The following BRINP1 variants were observed in gnomAD, a reference collection of about 807,000 sequenced individuals.
BRINP1 encodes the protein BMP/retinoic acid inducible neural specific 1.
Under a neutral mutation model 72.9 loss-of-function variants are expected in BRINP1, and 17 were observed. That is an observed-to-expected ratio of 0.23 (90% CI 0.16 to 0.35). BRINP1 has a LOEUF of 0.35. Ranked by LOEUF, BRINP1 falls within the 10% of genes least tolerant of loss-of-function variation. BRINP1 has a pLI of 1.00. For synonymous variants in BRINP1, 418 were observed against 378.5 expected, an observed-to-expected ratio of 1.10 and a Z score of -1.21; for missense variants, 850 against 1,001.6, an observed-to-expected ratio of 0.85 and a Z score of 2.04.
chr9:119,296,757 G>A (rs192525325), intron 2 of BRINP1, among the ~76,000 whole-genome samples: 25 of 152,270 alleles, frequency 1.6e-4, no homozygotes, highest in Admixed American at 1.2e-3. Flanking sequence ...AATATGCCAG[G>A]CACAGAAAGA....
chr9:119,213,886 A>G (rs778682235), intron 6 of BRINP1, 33 bp downstream of exon 6: 2 of 1,582,422 alleles, frequency 1.3e-6, no homozygotes, highest in South Asian at 2.2e-5. Flanking sequence ...GCTCAAGGCC[A>G]CTCATGCAGT....
chr9:119,257,761 G>A (rs1830459452), intron 2 of BRINP1, among the ~76,000 whole-genome samples: 1 of 152,094 alleles, frequency 6.6e-6, no homozygotes, highest in Non-Finnish European at 1.5e-5. Context: ...CTTGCCTGCT[G>A]TTCCCACTCG....
At chr9:119,205,636 C>A (rs576146510) in intron 7 of BRINP1, among the ~76,000 whole-genome samples, 28 of 152,118 alleles carry the variant, frequency 1.8e-4, no homozygotes, top group Non-Finnish European at 4.0e-4. Context: ...CTCCTTCTTC[C>A]CTTGTAATAC....
At chr9:119,346,433 T>C (rs956149370) in intron 1 of BRINP1, among the ~76,000 whole-genome samples, 1 of 152,186 alleles carries the variant, frequency 6.6e-6, no homozygotes, top group Non-Finnish European at 1.5e-5. Context: ...AAACAGACAC[T>C]GCAATCACCG....
At chr9:119,204,895 C>A (rs2118866897) in intron 7 of BRINP1, among the ~76,000 whole-genome samples, 1 of 152,352 alleles carries the variant, frequency 6.6e-6, no homozygotes, top group African/African-American at 2.4e-5. Flanking sequence ...CCCTCTCCCA[C>A]CTTACCTTAA....
intron 3 of BRINP1, among the ~76,000 whole-genome samples, chr9:119,243,916 A>G (rs1053442623): frequency 1.3e-5 from 2 of 152,210 alleles, no homozygotes; most frequent in African/African-American, 4.8e-5. Flanking sequence ...CCAGAGAAAG[A>G]GTGGGCACCT....
chr9:119,356,805 A>AG (rs1002970872), intron 1 of BRINP1, among the ~76,000 whole-genome samples: 1 of 71,896 alleles, frequency 1.4e-5, no homozygotes, highest in Non-Finnish European at 3.6e-5. Context: ...GCTCCGTCTC[A>AG]AAAAAAAAAA....
chr9:119,228,179 CTTCCTTTCT>C (rs1197166946), intron 5 of BRINP1, among the ~76,000 whole-genome samples: 1 of 151,878 alleles, frequency 6.6e-6, no homozygotes, highest in African/African-American at 2.4e-5. Flanking sequence ...ACTTCTTTCT[CTTCCTTTCT>C]TTCCTTTCCC....
intron 5 of BRINP1, among the ~76,000 whole-genome samples, chr9:119,217,136 GCCTGTGT>G (rs1449071014): frequency 6.6e-6 from 1 of 152,160 alleles, no homozygotes; most frequent in African/African-American, 2.4e-5. Flanking sequence ...TCTCCTGATG[GCCTGTGT>G]CCAACAAAGA....
chr9:119,339,883 C>T (rs1228695765), intron 1 of BRINP1, among the ~76,000 whole-genome samples: 1 of 152,164 alleles, frequency 6.6e-6, no homozygotes, highest in Non-Finnish European at 1.5e-5. Context: ...TGGGTTCTGG[C>T]TCCCCAGTGA....
At chr9:119,194,781 A>G (rs1423552826) in intron 7 of BRINP1, among the ~76,000 whole-genome samples, 1 of 152,166 alleles carries the variant, frequency 6.6e-6, no homozygotes, top group Non-Finnish European at 1.5e-5. Flanking sequence ...ATTCTTCCCC[A>G]GAACCCACTG....
At chr9:119,197,401 C>T (rs1348919307) in intron 7 of BRINP1, among the ~76,000 whole-genome samples, 1 of 152,164 alleles carries the variant, frequency 6.6e-6, no homozygotes, top group Non-Finnish European at 1.5e-5. Flanking sequence ...ATAGGGTTGT[C>T]ATAAGGATTA....
chr9:119,281,790 C>T (rs925317118), intron 2 of BRINP1, among the ~76,000 whole-genome samples: 3 of 152,076 alleles, frequency 2.0e-5, no homozygotes, highest in Non-Finnish European at 2.9e-5. Flanking sequence ...TTCATTTCAA[C>T]AATATATCAT....
chr9:119,304,416 A>G (rs1830973829), intron 2 of BRINP1, among the ~76,000 whole-genome samples: 1 of 152,158 alleles, frequency 6.6e-6, no homozygotes, highest in South Asian at 2.1e-4. Context: ...TGAGGCTGGA[A>G]GCTTCCATCA....
chr9:119,281,628 T>C (rs572435962), intron 2 of BRINP1, among the ~76,000 whole-genome samples: 54 of 152,320 alleles, frequency 3.5e-4, no homozygotes, highest in African/African-American at 1.2e-3. Flanking sequence ...TTCAAAATTA[T>C]TCATTATTCT....
At chr9:119,268,285 T>TAGACAGAC (rs1554752345) in intron 2 of BRINP1, among the ~76,000 whole-genome samples, 18 of 148,502 alleles carry the variant, frequency 1.2e-4, no homozygotes, top group African/African-American at 3.5e-4. Context: ...GATAGATAGA[T>TAGACAGAC]AGATAGATAG....
chr9:119,338,210 A>T (rs117014269), intron 1 of BRINP1, among the ~76,000 whole-genome samples: 1 of 149,940 alleles, frequency 6.7e-6, no homozygotes, highest in Admixed American at 6.6e-5. Context: ...AGTTTCTGGT[A>T]TTCAGATTAT....
At chr9:119,227,464 C>T (rs1225326813) in intron 5 of BRINP1, among the ~76,000 whole-genome samples, 3 of 152,030 alleles carry the variant, frequency 2.0e-5, no homozygotes, top group Non-Finnish European at 4.4e-5. Flanking sequence ...GTAAAAGCAA[C>T]AGTTGGATGC....
At chr9:119,176,258 T>C (rs1829488199) in intron 7 of BRINP1, among the ~76,000 whole-genome samples, 2 of 152,132 alleles carry the variant, frequency 1.3e-5, no homozygotes, top group African/African-American at 4.8e-5. Context: ...AAGAGCACCT[T>C]TCCTAAGGCT....
Sources: gnomAD v4.1 joint callset for allele counts (sites outside exome capture counted in the v4.1 genomes callset) on GRCh38, gnomAD v4.1.1 for gene constraint, MANE v1.5 for transcripts, NCBI Gene and HGNC (gene_info 2026-07-23, HGNC 2026-07-21) for gene names.